ADAMTSL1: variants seen among roughly 807,000 people sequenced by gnomAD.
ADAMTSL1 encodes ADAMTS like 1.
ADAMTSL1 carries 126 observed loss-of-function variants against 201.8 expected under a neutral mutation model. That is an observed-to-expected ratio of 0.62 (90% CI 0.54 to 0.72). The LOEUF is 0.72. Ranked by LOEUF, ADAMTSL1 falls within the 30% of genes least tolerant of loss-of-function variation. The pLI, the probability that ADAMTSL1 is intolerant of heterozygous loss-of-function variation, is 0.00. For missense variants in ADAMTSL1, 2,679 were observed against 2,277.8 expected (o/e 1.18, Z -3.59); for synonymous variants, 1,121 against 903.4 (o/e 1.24, Z -4.32).
intron 1 of ADAMTSL1, among the ~76,000 whole-genome samples, chr9:18,086,325 A>G (rs772971651): frequency 1.3e-5 from 2 of 152,184 alleles, no homozygotes; most frequent in Non-Finnish European, 2.9e-5. Context: ...TTGCAGGAAT[A>G]AGAGACTAAC....
intron 2 of ADAMTSL1, among the ~76,000 whole-genome samples, chr9:18,431,857 A>G (rs765418487): frequency 3.9e-5 from 6 of 152,222 alleles, no homozygotes. Flanking sequence ...ACTAGTACAG[A>G]TGCAGCACAA....
intron 2 of ADAMTSL1, among the ~76,000 whole-genome samples, chr9:18,531,330 G>A (rs748591061): frequency 2.0e-5 from 3 of 152,132 alleles, no homozygotes; most frequent in East Asian, 1.9e-4. Flanking sequence ...AATAATCATC[G>A]GTATCAGTAA....
chr9:18,263,832 G>A (rs1339743198), intron 2 of ADAMTSL1, among the ~76,000 whole-genome samples: 8 of 152,196 alleles, frequency 5.3e-5, no homozygotes, highest in South Asian at 4.2e-4. Context: ...GATGGTAGCC[G>A]CCAACAAGCC....
intron 1 of ADAMTSL1, among the ~76,000 whole-genome samples, chr9:18,052,791 G>T (rs1045846230): frequency 6.7e-6 from 1 of 149,382 alleles, no homozygotes; most frequent in Non-Finnish European, 1.5e-5. Flanking sequence ...GTACTAGAGT[G>T]GGGGTGGGGG....
chr9:18,906,053 A>G (rs139263062), intron 27 of ADAMTSL1, among the ~76,000 whole-genome samples, 162 bp downstream of exon 27: 2 of 152,320 alleles, frequency 1.3e-5, no homozygotes, highest in East Asian at 3.9e-4. Context: ...CCAGAGGCAG[A>G]TGACTCAGTG....
intron 2 of ADAMTSL1, among the ~76,000 whole-genome samples, chr9:18,413,209 CGCAATCTTGGCTTGCT>C (rs72088473): frequency 0.34 from 50,208 of 148,082 alleles, 9,420 homozygotes; most frequent in African/African-American, 0.51. Flanking sequence ...AGTGCAGTGG[CGCAATCTTGGCTTGCT>C]GCAATCTTGG....
intron 1 of ADAMTSL1, among the ~76,000 whole-genome samples, chr9:17,916,614 G>C (rs534091502): frequency 2.6e-5 from 4 of 152,224 alleles, no homozygotes; most frequent in African/African-American, 9.6e-5. Flanking sequence ...AAAATCAGTT[G>C]TCCACACACG....
At chr9:18,302,820 G>A (rs1457082467) in intron 2 of ADAMTSL1, among the ~76,000 whole-genome samples, 2 of 152,164 alleles carry the variant, frequency 1.3e-5, no homozygotes, top group African/African-American at 4.8e-5. Context: ...TTGAAACAAG[G>A]CAGTTTACTT....
intron 2 of ADAMTSL1, among the ~76,000 whole-genome samples, chr9:18,215,821 C>T (rs996173185): frequency 6.6e-6 from 1 of 152,180 alleles, no homozygotes; most frequent in Non-Finnish European, 1.5e-5. Context: ...ACGGAGAACT[C>T]TGATTCACTG....
intron 3 of ADAMTSL1, among the ~76,000 whole-genome samples, chr9:18,543,614 G>A (rs1820293254): frequency 6.6e-6 from 1 of 152,102 alleles, no homozygotes; most frequent in African/African-American, 2.4e-5. Context: ...TCAGAGTAAT[G>A]GTTGAAAATA....
intron 20 of ADAMTSL1, chr9:18,796,621 G>C (rs1281786055): frequency 6.6e-6 from 1 of 152,224 alleles, no homozygotes; most frequent in Non-Finnish European, 1.5e-5. Context: ...GGCTGATCTG[G>C]GAAGGGACCC....
intron 4 of ADAMTSL1, among the ~76,000 whole-genome samples, chr9:18,594,491 A>G (rs1026686485): frequency 2.6e-5 from 4 of 152,092 alleles, no homozygotes; most frequent in Non-Finnish European, 4.4e-5. Context: ...TGTAGATCCC[A>G]TAAACTTTGT....
At chr9:18,349,345 C>T (rs7859279) in intron 2 of ADAMTSL1, among the ~76,000 whole-genome samples, 7 of 151,854 alleles carry the variant, frequency 4.6e-5, no homozygotes, top group African/African-American at 1.2e-4. Context: ...AAATGACTCC[C>T]CAGAACACGT....
intron 2 of ADAMTSL1, among the ~76,000 whole-genome samples, chr9:18,449,874 A>C (rs1291566729): frequency 6.6e-6 from 1 of 152,228 alleles, no homozygotes; most frequent in African/African-American, 2.4e-5. Flanking sequence ...AAAAACTGGC[A>C]GTAGTAAGTG....
At chr9:18,034,721 G>C (rs944392503) in intron 1 of ADAMTSL1, among the ~76,000 whole-genome samples, 1 of 151,920 alleles carries the variant, frequency 6.6e-6, no homozygotes, top group Non-Finnish European at 1.5e-5. Context: ...CTCTGGCTTT[G>C]CCTCTCATTA....
At chr9:18,868,801 T>A (rs745727082) in intron 23 of ADAMTSL1, among the ~76,000 whole-genome samples, 1 of 152,222 alleles carries the variant, frequency 6.6e-6, no homozygotes, top group Non-Finnish European at 1.5e-5. Flanking sequence ...TAGTGTCCAG[T>A]TGCCTCCGCC....
At chr9:17,948,895 A>G (rs538803322) in intron 1 of ADAMTSL1, among the ~76,000 whole-genome samples, 23 of 152,322 alleles carry the variant, frequency 1.5e-4, no homozygotes, top group African/African-American at 5.5e-4. Flanking sequence ...ATTATCAGTA[A>G]TCCTCTCTAG....
chr9:18,040,788 G>A (rs1821396449), intron 1 of ADAMTSL1, among the ~76,000 whole-genome samples: 1 of 152,010 alleles, frequency 6.6e-6, no homozygotes, highest in African/African-American at 2.4e-5. Context: ...CTTTGGGAAG[G>A]TTAAACTTAT....
At chr9:18,595,953 A>G (rs1003441783) in intron 4 of ADAMTSL1, among the ~76,000 whole-genome samples, 1 of 152,158 alleles carries the variant, frequency 6.6e-6, no homozygotes, top group East Asian at 1.9e-4. Flanking sequence ...CTCCTATCTG[A>G]ATTCCAAGGC....
Sources: gnomAD v4.1 joint callset for allele counts (sites outside exome capture counted in the v4.1 genomes callset) on GRCh38, gnomAD v4.1.1 for gene constraint, MANE v1.5 for transcripts, NCBI Gene and HGNC (gene_info 2026-07-23, HGNC 2026-07-21) for gene names.